The following BICD1 variants were observed in gnomAD, a reference collection of about 807,000 sequenced individuals.
BICD1 encodes the protein protein bicaudal D homolog 1.
Under a neutral mutation model 92.5 loss-of-function variants are expected in BICD1, and 35 were observed. The ratio of observed to expected loss-of-function variants is 0.38; its 90% confidence interval spans 0.29 to 0.50. BICD1 has a LOEUF of 0.50. Ranked by LOEUF, BICD1 falls within the 20% of genes least tolerant of loss-of-function variation. BICD1 has a pLI of 0.93. For missense variants in BICD1, 950 were observed against 1,189.8 expected, an observed-to-expected ratio of 0.80 and a Z score of 2.97; for synonymous variants, 429 against 465.1, an observed-to-expected ratio of 0.92 and a Z score of 1.00.
intron 8 of BICD1, among the ~76,000 whole-genome samples, chr12:32,346,820 C>T (rs978802612): frequency 4.0e-5 from 6 of 149,474 alleles, no homozygotes; most frequent in East Asian, 2.0e-4. Context: ...CTGTGTTGGA[C>T]GGTGCAGTTC....
chr12:32,142,316 G>A (rs1052246558), intron 1 of BICD1, among the ~76,000 whole-genome samples: 1 of 147,808 alleles, frequency 6.8e-6, no homozygotes, highest in South Asian at 2.2e-4. Context: ...TGAGACAGGA[G>A]AATCGCTTGA....
chr12:32,195,133 G>A (rs1240161160), intron 1 of BICD1, among the ~76,000 whole-genome samples: 3 of 147,604 alleles, frequency 2.0e-5, no homozygotes, highest in South Asian at 2.1e-4. Context: ...TAAATGGAAA[G>A]GTATCCTCTG....
At chr12:32,256,606 G>A (rs1946727830) in intron 2 of BICD1, among the ~76,000 whole-genome samples, 1 of 152,136 alleles carries the variant, frequency 6.6e-6, no homozygotes, top group Non-Finnish European at 1.5e-5. Flanking sequence ...ACAAATAATA[G>A]ATAAGAAGGA....
chr12:32,263,212 T>C (rs996836962), intron 2 of BICD1, among the ~76,000 whole-genome samples: 1 of 151,926 alleles, frequency 6.6e-6, no homozygotes, highest in African/African-American at 2.4e-5. Context: ...TGGGTGACCA[T>C]ACAGCACCAA....
intron 1 of BICD1, among the ~76,000 whole-genome samples, chr12:32,124,801 G>A (rs1196623873): frequency 1.3e-5 from 2 of 152,142 alleles, no homozygotes; most frequent in African/African-American, 4.8e-5. Context: ...TGTTGCAGTA[G>A]GGAGGTAGAT....
chr12:32,157,524 G>A (rs1943476517), intron 1 of BICD1, among the ~76,000 whole-genome samples: 1 of 152,178 alleles, frequency 6.6e-6, no homozygotes, highest in Non-Finnish European at 1.5e-5. Context: ...TACTCTATGT[G>A]TAAATACTAA....
chr12:32,345,104 T>G (rs1938517095), intron 8 of BICD1, among the ~76,000 whole-genome samples: 1 of 151,902 alleles, frequency 6.6e-6, no homozygotes, highest in Non-Finnish European at 1.5e-5. Context: ...CTGGGTAACA[T>G]AGCGAGACCT....
intron 2 of BICD1, among the ~76,000 whole-genome samples, chr12:32,292,896 T>C (rs943324893): frequency 1.3e-5 from 2 of 152,220 alleles, no homozygotes; most frequent in Non-Finnish European, 2.9e-5. Context: ...ATTATACATT[T>C]TGAACTAAAA....
intron 3 of BICD1, among the ~76,000 whole-genome samples, chr12:32,294,515 G>A (rs1277509971): frequency 6.6e-6 from 1 of 151,696 alleles, no homozygotes; most frequent in Non-Finnish European, 1.5e-5. Context: ...CAGCTACTTG[G>A]GAGGCTGAGG....
At chr12:32,269,915 A>G (rs920464803) in intron 2 of BICD1, among the ~76,000 whole-genome samples, 30 of 151,862 alleles carry the variant, frequency 2.0e-4, no homozygotes, top group African/African-American at 7.3e-4. Context: ...AGATCACATG[A>G]GTTTGGGCCC....
chr12:32,258,208 C>G (rs756670544), intron 2 of BICD1, among the ~76,000 whole-genome samples: 114 of 152,250 alleles, frequency 7.5e-4, no homozygotes, highest in Non-Finnish European at 1.2e-3. Context: ...TCAATACTTA[C>G]TTTCATTTTC....
intron 8 of BICD1, among the ~76,000 whole-genome samples, chr12:32,366,357 C>T (rs770490873): frequency 3.6e-4 from 55 of 152,318 alleles, no homozygotes; most frequent in Non-Finnish European, 6.6e-4. Context: ...CAGTGGCTCA[C>T]GCCTGTAATC....
At chr12:32,364,267 T>A (rs1158982035) in intron 8 of BICD1, among the ~76,000 whole-genome samples, 1 of 152,190 alleles carries the variant, frequency 6.6e-6, no homozygotes. Context: ...CACATAGTTG[T>A]CATCTTTTAT....
chr12:32,255,678 C>T (rs549369607), intron 2 of BICD1, among the ~76,000 whole-genome samples: 1 of 152,316 alleles, frequency 6.6e-6, no homozygotes, highest in African/African-American at 2.4e-5. Context: ...TGCTTTCTCC[C>T]TTAGGGCCTT....
At chr12:32,261,796 G>C (rs1946865827) in intron 2 of BICD1, among the ~76,000 whole-genome samples, 1 of 152,202 alleles carries the variant, frequency 6.6e-6, no homozygotes, top group African/African-American at 2.4e-5. Flanking sequence ...AGACAGTAGT[G>C]AGGCCCCCTT....
At chr12:32,320,400 G>A (rs903838738) in intron 4 of BICD1, among the ~76,000 whole-genome samples, 24 of 152,168 alleles carry the variant, frequency 1.6e-4, no homozygotes, top group Non-Finnish European at 3.4e-4. Flanking sequence ...CCAACACTTT[G>A]GGAGGCCGAG....
chr12:32,142,278 C>T (rs1942948309), intron 1 of BICD1, among the ~76,000 whole-genome samples: 1 of 151,610 alleles, frequency 6.6e-6, no homozygotes, highest in Non-Finnish European at 1.5e-5. Context: ...TGGTGGCAGG[C>T]GCCTGTACTC....
rs779532107 is a variant in BICD1, at chr12:32,107,670, G to T, written c.213+126G>T. ...ACTGTTTTTTCTTCTAGGGCCCTTTGTTGGTAAGAGAAGATTGAAAGAGTC... is the reference window on the plus strand; with the variant it reads ...ACTGTTTTTTCTTCTAGGGCCCTTTTTTGGTAAGAGAAGATTGAAAGAGTC... On this transcript the variant is annotated intron_variant, in intron 1 of 9. Coordinates refer to ENST00000652176, the MANE Select transcript of BICD1 (RefSeq NM_001714.4). The T allele has an allele frequency of 4.8e-6, 5 of 1,033,290 alleles. No homozygotes were observed. In the South Asian group the frequency reaches 6.7e-5, roughly 14 times the overall value. 64.0% of individuals were successfully genotyped at this position (1,033,290 alleles called of 1,614,324 possible). A position where few individuals can be genotyped will look rare whatever the true frequency, so the allele number is the denominator to read the frequency against.
At position 32,120,896 on chromosome 12, in the gene BICD1, A is replaced by AG. The variant is rs1491546550; in HGVS notation, c.213+13352_213+13353insG. Among the ~76,000 whole-genome samples, 18 of 76,246 alleles carry AG rather than the reference A, an allele frequency of 2.4e-4. No homozygotes were observed. In the East Asian group the frequency reaches 3.1e-3, roughly 13 times the overall value. 50.0% of individuals were successfully genotyped at this position (76,246 alleles called of 152,430 possible). A position where few individuals can be genotyped will look rare whatever the true frequency, so the allele number is the denominator to read the frequency against. ...GAGAGAGAGAGAGAGAGAGAGAGAG[A>AG]AAAAAAAAAGGAAAAAATATAATGT... On this transcript the variant is annotated intron_variant, in intron 1 of 9. Transcript: ENST00000652176.
Sources: allele counts gnomAD v4.1 joint callset (sites outside exome capture counted in the v4.1 genomes callset), GRCh38; gene constraint gnomAD v4.1.1; transcripts MANE v1.5; gene names NCBI Gene and HGNC (gene_info 2026-07-23, HGNC 2026-07-21).